Variants in NDUFV3 observed in about 807,000 individuals in gnomAD.
NDUFV3 encodes NADH:ubiquinone oxidoreductase subunit V3.
In NDUFV3, 44 loss-of-function variants were observed where a neutral mutation model predicts 37.5. That is an observed-to-expected ratio of 1.17 (90% CI 0.92 to 1.51). The LOEUF (loss-of-function observed/expected upper bound fraction) is 1.51, where lower values mean the gene tolerates loss of function less well. Ranked by LOEUF, NDUFV3 falls within the 40% of genes most tolerant of loss-of-function variation. NDUFV3 has a pLI of 0.00. For missense variants in NDUFV3, 580 were observed against 580.4 expected (o/e 1.00, Z 0.01); for synonymous variants, 235 against 239.3 (o/e 0.98, Z 0.17).
At chr21:42,907,694 G>A (rs910217238) in intron 3 of NDUFV3, among the ~76,000 whole-genome samples, 1 of 151,896 alleles carries the variant, frequency 6.6e-6, no homozygotes, top group African/African-American at 2.4e-5. Flanking sequence ...CAAGCAATCT[G>A]CCCGCCTCAG....
rs556404150 is a variant in NDUFV3, at chr21:42,909,394, C to T, written c.*373C>T. 15 of 311,332 alleles carry T rather than the reference C, an allele frequency of 4.8e-5. No homozygotes were observed. Among genetic ancestry groups the T allele is most frequent in the African/African-American group, 2.0e-4 (9 of 46,100 alleles). 19.3% of individuals were successfully genotyped at this position (311,332 alleles called of 1,614,324 possible). Reference sequence around the variant, plus strand: ...TGACCTCAGATGGTCTGCCCACCTCCGCCTCCCAAAGTGCTGGGATTACAG... The same window carrying T: ...TGACCTCAGATGGTCTGCCCACCTCTGCCTCCCAAAGTGCTGGGATTACAG... On this transcript the variant is annotated 3_prime_UTR_variant, in exon 4 of 4. Coordinates refer to ENST00000354250, the MANE Select transcript of NDUFV3 (RefSeq NM_021075.4).
intron 2 of NDUFV3, among the ~76,000 whole-genome samples, chr21:42,900,729 T>G (rs1453108480): frequency 6.6e-6 from 1 of 152,186 alleles, no homozygotes; most frequent in Non-Finnish European, 1.5e-5. Context: ...TACCCAAAGC[T>G]CTCATCCTTG....
At chr21:42,908,506 A>G (rs1038869172) in intron 3 of NDUFV3, among the ~76,000 whole-genome samples, 2 of 152,012 alleles carry the variant, frequency 1.3e-5, no homozygotes, top group African/African-American at 4.8e-5. Context: ...GTGTGAGCCG[A>G]GTCATTCATA....
In NDUFV3 at chr21:42,903,361, T is replaced by A; in HGVS notation, c.349T>A (p.Ser117Thr). 6.2e-7 allele frequency: 1 copy of A among 1,614,196 alleles called. No homozygotes were observed. The highest frequency in any genetic ancestry group is 8.5e-7 in the Non-Finnish European group (1 of 1,180,044). The change falls in exon 3 of 4, where the codon TCA (serine) becomes ACA (threonine). Residue 117 changes from serine (S) to threonine (T), a missense_variant. Physicochemically the swap from Ser to Thr is moderately conservative, Grantham distance 58 (BLOSUM62 1). Coordinates refer to ENST00000354250, the MANE Select transcript of NDUFV3 (RefSeq NM_021075.4). ...FTDEGVPKFL[S>T]RKTLVEFPQK... is the part of the protein sequence containing the mutation. Reference sequence around the variant, plus strand: ...AGATGAAGGGGTTCCGAAATTTTTGTCAAGAAAGACTTTGGTAGAGTTTCC... The same window carrying A: ...AGATGAAGGGGTTCCGAAATTTTTGACAAGAAAGACTTTGGTAGAGTTTCC...
rs565393385 is a variant in NDUFV3, at chr21:42,893,364, C to T, written c.31C>T (p.Arg11Ter). ...TGCCCCGTGTTTGCTGCGGCAAGGACGAGCCGGGGCGCTGAAGGTAAAGGA... is the reference window on the plus strand; with the variant it reads ...TGCCCCGTGTTTGCTGCGGCAAGGATGAGCCGGGGCGCTGAAGGTAAAGGA... MAAPCLLRQG[R>*]AGALKTMLQE... The change falls in exon 1 of 4, where the codon CGA becomes TGA. Residue 11 changes from arginine to a stop codon, truncating the protein, a stop_gained. Coordinates refer to ENST00000354250, the MANE Select transcript of NDUFV3 (RefSeq NM_021075.4). LOFTEE classifies it high-confidence loss of function. 1 of 1,537,938 alleles carries T rather than the reference C, an allele frequency of 6.5e-7. No homozygotes were observed.
rs1393842277 is a variant in NDUFV3 at position 42,909,714 on chromosome 21, CTG to C, written c.*695_*696del. ...TTTTATTTTTTTTGAGATGGAGTCTCTGTTTCCCAGGCTGGAGTCCAGCGGCA... is the reference window on the plus strand; with the variant it reads ...TTTTATTTTTTTTGAGATGGAGTCTCTTTCCCAGGCTGGAGTCCAGCGGCA... On this transcript the variant is annotated 3_prime_UTR_variant, in exon 4 of 4. Coordinates refer to ENST00000354250, the MANE Select transcript of NDUFV3 (RefSeq NM_021075.4). The C allele has an allele frequency of 6.5e-6, 1 of 152,754 alleles. No individual in the cohort carries two copies. The highest frequency in any genetic ancestry group is 1.9e-4 in the East Asian group (1 of 5,154). 9.5% of individuals were successfully genotyped at this position (152,754 alleles called of 1,614,324 possible).
intron 3 of NDUFV3, among the ~76,000 whole-genome samples, chr21:42,905,512 G>C (rs1056781657): frequency 1.3e-5 from 2 of 152,062 alleles, no homozygotes; most frequent in South Asian, 4.2e-4. Context: ...TTTTTTGTTT[G>C]TTTGTTTGTT....
At position 42,911,629 on chromosome 21, in the gene NDUFV3, A is replaced by G. The variant is rs1344391225; in HGVS notation, c.*2608A>G. ...CCTAATTTTTCTATTTTTTGTAGAG[A>G]CAGGGTTCAAGAGATCTGCCTGCCT... On this transcript the variant is annotated 3_prime_UTR_variant, in exon 4 of 4. Coordinates refer to ENST00000354250, the MANE Select transcript of NDUFV3 (RefSeq NM_021075.4). 6.6e-6 allele frequency: 1 copy of G among 151,790 alleles called. No homozygotes were observed. The highest frequency in any genetic ancestry group is 1.5e-5 in the Non-Finnish European group (1 of 67,964). The allele number at this position is 151,790 out of a possible 1,614,324, so 9.4% of individuals were successfully genotyped here. A position where few individuals can be genotyped will look rare whatever the true frequency, so the allele number is the denominator to read the frequency against.
At chr21:42,897,748 C>T (rs773323625) in intron 2 of NDUFV3, among the ~76,000 whole-genome samples, 31 of 152,094 alleles carry the variant, frequency 2.0e-4, no homozygotes, top group Admixed American at 5.9e-4. Flanking sequence ...GCAATCTCGG[C>T]TCACTACAAC....
In NDUFV3 at chr21:42,904,026, G is replaced by C; in HGVS notation, c.1014G>C (p.Val338=). ...GAAEGHLEKP[V]PEPQRKAAPP... is the part of the protein sequence containing the mutation. ...CAGAGGGGCATCTGGAAAAACCCGT[G>C]CCAGAGCCCCAGCGCAAGGCGGCCC... The change falls in exon 3 of 4, where the codon GTG becomes GTC. Residue 338 remains valine (V), a synonymous_variant. Coordinates refer to ENST00000354250, the MANE Select transcript of NDUFV3 (RefSeq NM_021075.4). 6.2e-7 allele frequency: 1 copy of C among 1,614,132 alleles called. No individual in the cohort carries two copies. Among genetic ancestry groups the C allele is most frequent in the Non-Finnish European group, 8.5e-7 (1 of 1,179,996 alleles).
Position 42,893,349 on chromosome 21 carries a change from T to C in NDUFV3, c.16T>C (p.Leu6=), listed in dbSNP as rs769891123. ...TGTCACCGCCATGGCTGCCCCGTGT[T>C]TGCTGCGGCAAGGACGAGCCGGGGC... The part of the protein sequence containing the change: MAAPC[L]LRQGRAGALK... The change falls in exon 1 of 4, where the codon TTG becomes CTG. Residue 6 remains leucine (L), a synonymous_variant. Transcript: ENST00000354250. The C allele has an allele frequency of 5.2e-6, 8 of 1,538,358 alleles. No individual in the cohort carries two copies. The East Asian group carries it at 2.0e-4, about 38-fold the overall frequency.
At chr21:42,899,257 A>C (rs1449137148) in intron 2 of NDUFV3, among the ~76,000 whole-genome samples, 1 of 137,760 alleles carries the variant, frequency 7.3e-6, no homozygotes, top group Non-Finnish European at 1.6e-5. Flanking sequence ...GCTCATCAAT[A>C]CACAGAACAG....
In NDUFV3 at chr21:42,912,192, A is replaced by G. The variant is rs2146172340; in HGVS notation, c.*3171A>G. 6.6e-6 allele frequency: 1 copy of G among 152,250 alleles called. No homozygotes were observed. Among genetic ancestry groups the G allele is most frequent in the East Asian group, 1.9e-4 (1 of 5,174 alleles). The allele number at this position is 152,250 out of a possible 1,614,324, so 9.4% of individuals were successfully genotyped here. A position where few individuals can be genotyped will look rare whatever the true frequency, so the allele number is the denominator to read the frequency against. On this transcript the variant is annotated 3_prime_UTR_variant, in exon 4 of 4. Coordinates refer to ENST00000354250, the MANE Select transcript of NDUFV3 (RefSeq NM_021075.4). ...GAGGCAGAGGCTGCAGTGAGTGGAGATTGCAGCATCGCACTACAGCCTGGG... is the reference window on the plus strand; with the variant it reads ...GAGGCAGAGGCTGCAGTGAGTGGAGGTTGCAGCATCGCACTACAGCCTGGG...
At position 42,903,642 on chromosome 21, in the gene NDUFV3, G is replaced by A. The variant is rs1474264906; in HGVS notation, c.630G>A (p.Leu210=). Residue 210 remains leucine, a synonymous_variant, in exon 3 of 4, where the codon TTG becomes TTA. Coordinates refer to ENST00000354250, the MANE Select transcript of NDUFV3 (RefSeq NM_021075.4). ...CAGTATCAGCAAAAGAGAAAACCTTGCTGCAGAAGCCGCATGTGGACATTA... is the reference window on the plus strand; with the variant it reads ...CAGTATCAGCAAAAGAGAAAACCTTACTGCAGAAGCCGCATGTGGACATTA... ...RVTVSAKEKT[L]LQKPHVDITD... is the part of the protein sequence containing the mutation. 6.2e-7 allele frequency: 1 copy of A among 1,613,992 alleles called. No homozygotes were observed. The highest frequency in any genetic ancestry group is 2.2e-5 in the East Asian group (1 of 44,876).
At chr21:42,906,830 T>C (rs2058744095) in intron 3 of NDUFV3, 1 of 517,628 alleles carries the variant, frequency 1.9e-6, no homozygotes, top group African/African-American at 1.9e-5. Flanking sequence ...TAGTACGTTC[T>C]GCTTTGAAGG....
In NDUFV3 at chr21:42,910,685, TGCG is replaced by T. The variant is rs2058766557; in HGVS notation, c.*1666_*1668del. On this transcript the variant is annotated 3_prime_UTR_variant, in exon 4 of 4. Transcript: ENST00000354250. ...CGGAGTAGGAAGAGGTGAAGTTTCGTGCGGTGCAGGGACGGAGTAGGAAGAGGT... is the reference window on the plus strand; with the variant it reads ...CGGAGTAGGAAGAGGTGAAGTTTCGTGTGCAGGGACGGAGTAGGAAGAGGT... 1.1e-4 allele frequency: 6 copies of T among 54,420 alleles called. No individual in the cohort carries two copies. The highest frequency in any genetic ancestry group is 3.7e-4 in the African/African-American group (5 of 13,356). The allele number at this position is 54,420 out of a possible 1,614,324, so 3.4% of individuals were successfully genotyped here. A position where few individuals can be genotyped will look rare whatever the true frequency, so the allele number is the denominator to read the frequency against.
rs752909202 is a variant in NDUFV3 at position 42,903,164 on chromosome 21, C to T, written c.170-18C>T. ...AGTTGTTTTGTTAAATAACATTCCT[C>T]TTTATGCCGTTTCCCAGATGTAGTG... On this transcript the variant is annotated intron_variant, in intron 2 of 3. Transcript: ENST00000354250. The T allele has an allele frequency of 1.9e-6, 3 of 1,613,994 alleles. No individual in the cohort carries two copies. The highest frequency in any genetic ancestry group is 1.1e-5 in the South Asian group (1 of 91,076).
At chr21:42,908,017 C>T (rs567255056) in intron 3 of NDUFV3, among the ~76,000 whole-genome samples, 10 of 151,858 alleles carry the variant, frequency 6.6e-5, no homozygotes, top group African/African-American at 2.4e-4. Flanking sequence ...TGTTAAGACA[C>T]GTTGTATGGC....
Position 42,903,342 on chromosome 21 carries a change from AG to A in NDUFV3, c.334del (p.Val112PhefsTer11). On this transcript the variant is annotated frameshift_variant, in exon 3 of 4. Coordinates refer to ENST00000354250, the MANE Select transcript of NDUFV3 (RefSeq NM_021075.4). LOFTEE classifies it high-confidence loss of function. Reference sequence around the variant, plus strand: ...GTGGCAGCGTGCTATTCACAGATGAAGGGGTTCCGAAATTTTTGTCAAGAAA... The same window carrying A: ...GTGGCAGCGTGCTATTCACAGATGAAGGGTTCCGAAATTTTTGTCAAGAAA... ...PSGSVLFTDE[G>X]VPKFLSRKTL... 4 of 1,614,198 alleles carry A rather than the reference AG, an allele frequency of 2.5e-6. No individual in the cohort carries two copies. Among genetic ancestry groups the A allele is most frequent in the Non-Finnish European group, 3.4e-6 (4 of 1,180,030 alleles).
Sources: allele counts gnomAD v4.1 joint callset (sites outside exome capture counted in the v4.1 genomes callset), GRCh38; gene constraint gnomAD v4.1.1; transcripts MANE v1.5; gene names NCBI Gene and HGNC (gene_info 2026-07-23, HGNC 2026-07-21).